VGLL4: variants seen among roughly 807,000 people sequenced by gnomAD.
The protein encoded by VGLL4 is vestigial like family member 4, also known as transcription cofactor vestigial-like protein 4.
Under a neutral mutation model 21.0 loss-of-function variants are expected in VGLL4, and 7 were observed. The observed-to-expected ratio is 0.33, with a 90% CI of 0.19 to 0.63. VGLL4 has a LOEUF of 0.63. Among genes scored for constraint, VGLL4 ranks in the 20% least tolerant of loss-of-function variants. The probability of loss-of-function intolerance (pLI) is 0.78; values close to 1 mark genes in which losing one functional copy is unlikely to be tolerated. For synonymous variants in VGLL4, 222 were observed against 173.2 expected, an observed-to-expected ratio of 1.28 and a Z score of -2.21; for missense variants, 394 against 425.7, an observed-to-expected ratio of 0.93 and a Z score of 0.66.
At chr3:11,571,640 C>G (rs1157706239) in intron 2 of VGLL4, among the ~76,000 whole-genome samples, 1 of 152,220 alleles carries the variant, frequency 6.6e-6, no homozygotes, top group Non-Finnish European at 1.5e-5. Flanking sequence ...GCACTCCAGC[C>G]TGGGCAACAG....
intron 2 of VGLL4, among the ~76,000 whole-genome samples, chr3:11,599,360 C>T (rs1377512206): frequency 6.6e-6 from 1 of 150,942 alleles, no homozygotes; most frequent in African/African-American, 2.4e-5. Context: ...GAGGAGGTTA[C>T]TCCTGTTTCT....
At chr3:11,606,889 T>A (rs751737024) in intron 1 of VGLL4, among the ~76,000 whole-genome samples, 8 of 152,144 alleles carry the variant, frequency 5.3e-5, no homozygotes, top group Non-Finnish European at 5.9e-5. Flanking sequence ...TGCTGCTCAC[T>A]CTTTGTGTCC....
In VGLL4 at chr3:11,559,426, C is replaced by T. The variant is rs375078551; in HGVS notation, c.525G>A (p.Ser175=). The T allele has an allele frequency of 5.7e-6, 9 of 1,566,298 alleles. No individual in the cohort carries two copies. The highest frequency in any genetic ancestry group is 4.7e-5 in the East Asian group (2 of 42,440). ...QNRPSVITCA[S]AGARNCNLSH... ...AGAGGTTGCAGTTGCGGGCGCCAGC[C>T]GAGGCACAGGTGATCACGGAGGGCC... Residue 175 remains serine (S), a synonymous_variant, in exon 4 of 5, where the codon TCG becomes TCA. Coordinates refer to ENST00000430365, the MANE Select transcript of VGLL4 (RefSeq NM_001128219.3).
intron 2 of VGLL4, chr3:11,702,784 G>A: frequency 2.6e-6 from 1 of 386,140 alleles, no homozygotes; most frequent in Non-Finnish European, 4.5e-6. Context: ...TTAAGTGCCA[G>A]TTAAAAGACT....
chr3:11,611,270 T>G (rs186124249), intron 1 of VGLL4, among the ~76,000 whole-genome samples: 134 of 152,196 alleles, frequency 8.8e-4, no homozygotes, highest in African/African-American at 3.1e-3. Context: ...AAAGAGGTAA[T>G]TAAGGTGAAA....
intron 2 of VGLL4, among the ~76,000 whole-genome samples, chr3:11,591,915 T>C (rs1461418418): frequency 6.6e-5 from 10 of 152,374 alleles, no homozygotes; most frequent in South Asian, 4.1e-4. Flanking sequence ...AAAATCCCGA[T>C]GTAACAACAA....
chr3:11,688,784 C>T (rs936083155), intron 2 of VGLL4, among the ~76,000 whole-genome samples: 61 of 152,114 alleles, frequency 4.0e-4, no homozygotes, highest in African/African-American at 1.3e-3. Context: ...TTTGGGAGGC[C>T]GAGGCGGGTG....
At chr3:11,605,105 G>GCC (rs1458926020) in intron 1 of VGLL4, among the ~76,000 whole-genome samples, 1 of 11,000 alleles carries the variant, frequency 9.1e-5, no homozygotes, top group Non-Finnish European at 1.6e-4. Context: ...GCGCCCCCAC[G>GCC]CCCACCCCCC....
At chr3:11,652,472 T>C (rs2075888066) in intron 2 of VGLL4, among the ~76,000 whole-genome samples, 1 of 152,110 alleles carries the variant, frequency 6.6e-6, no homozygotes, top group African/African-American at 2.4e-5. Context: ...CAGGCTGGAG[T>C]GCAGTGGCGC....
intron 2 of VGLL4, among the ~76,000 whole-genome samples, chr3:11,689,404 A>T (rs2076495032): frequency 6.6e-6 from 1 of 152,038 alleles, no homozygotes; most frequent in South Asian, 2.1e-4. Context: ...TTGGTCTTTA[A>T]TTCTATTTGC....
chr3:11,562,818 G>A lies in VGLL4; in HGVS notation c.495+1979C>T, dbSNP rs78694398. Among the ~76,000 whole-genome samples, 1,075 of 152,346 alleles carry A rather than the reference G, an allele frequency of 7.1e-3. 13 individuals are homozygous for A. The highest frequency in any genetic ancestry group is 0.024 in the African/African-American group (989 of 41,584). On this transcript the variant is annotated intron_variant, in intron 3 of 4. Transcript: ENST00000430365. ...GAAAATGGGCAGCTTGGGGTACCCC[G>A]TGGCCCCTGGCTTTGTCCTCAGTCC...
chr3:11,652,903 C>T (rs2075897748), intron 2 of VGLL4, among the ~76,000 whole-genome samples: 1 of 152,226 alleles, frequency 6.6e-6, no homozygotes, highest in African/African-American at 2.4e-5. Context: ...TTCGCTACTA[C>T]AACCAATTTA....
rs182766052 is a variant in VGLL4 at position 11,682,384 on chromosome 3, G to A, written c.64+20587C>T. On this transcript the variant is annotated intron_variant, in intron 2 of 5. Coordinates refer to the VGLL4 transcript ENST00000273038. The stretch of plus-strand genomic sequence containing the variant: ...CGCACCACTGCACTCCAGCCCGGGT[G>A]ACAGTACAAGACCCTGTCTCAAAAA... 6.0e-4 allele frequency among the ~76,000 whole-genome samples: 80 copies of A among 133,102 alleles called. 1 individual carries two copies. Among genetic ancestry groups the A allele is most frequent in the African/African-American group, 2.2e-3 (74 of 34,280 alleles). 87.3% of individuals were successfully genotyped at this position (133,102 alleles called of 152,430 possible). A position where few individuals can be genotyped will look rare whatever the true frequency, so the allele number is the denominator to read the frequency against.
Position 11,567,545 on chromosome 3 carries a change from G to A in VGLL4, c.273-2526C>T, listed in dbSNP as rs542388421. Among the ~76,000 whole-genome samples the A allele has an allele frequency of 4.6e-5, 7 of 152,294 alleles. No individual in the cohort carries two copies. In the South Asian group the frequency reaches 8.3e-4, roughly 18 times the overall value. On this transcript the variant is annotated intron_variant, in intron 2 of 4. Coordinates refer to ENST00000430365, the MANE Select transcript of VGLL4 (RefSeq NM_001128219.3). ...CACACATCCTGGCGATTTTCAAAAC[G>A]TTAAAATACTAAAAACCTTAATACT...
chr3:11,563,688 C>T (rs1037483223), intron 3 of VGLL4, among the ~76,000 whole-genome samples: 3 of 152,350 alleles, frequency 2.0e-5, no homozygotes, highest in East Asian at 1.9e-4. Flanking sequence ...TAAAACTGAG[C>T]GTGCTGAGAA....
chr3:11,598,477 C>CCTCT (rs60076771), intron 2 of VGLL4, among the ~76,000 whole-genome samples: 2 of 151,256 alleles, frequency 1.3e-5, no homozygotes, highest in East Asian at 3.9e-4. Flanking sequence ...TTTCTTTCTT[C>CCTCT]CTCTCTCTCT....
chr3:11,578,551 T>G (rs1320680057), intron 2 of VGLL4, among the ~76,000 whole-genome samples: 1 of 151,000 alleles, frequency 6.6e-6, no homozygotes, highest in Non-Finnish European at 1.5e-5. Flanking sequence ...AACCTGATTT[T>G]CCTCTTAAAG....
At chr3:11,677,005 T>C (rs932705197) in intron 2 of VGLL4, among the ~76,000 whole-genome samples, 4 of 152,200 alleles carry the variant, frequency 2.6e-5, no homozygotes, top group African/African-American at 9.7e-5. Flanking sequence ...CAGCTAAAAC[T>C]GTTACACTTT....
intron 2 of VGLL4, among the ~76,000 whole-genome samples, chr3:11,585,005 C>G (rs1276171994): frequency 1.3e-5 from 2 of 152,132 alleles, no homozygotes; most frequent in Non-Finnish European, 2.9e-5. Context: ...ATATCATCCT[C>G]CAATCACTGC....
Sources: allele counts gnomAD v4.1 joint callset (sites outside exome capture counted in the v4.1 genomes callset), GRCh38; gene constraint gnomAD v4.1.1; transcripts MANE v1.5; gene names NCBI Gene and HGNC (gene_info 2026-07-23, HGNC 2026-07-21).